The following SDHC variants were observed in gnomAD, a reference collection of about 807,000 sequenced individuals.
SDHC encodes the protein succinate dehydrogenase cytochrome b560 subunit, mitochondrial.
SDHC carries 11 observed loss-of-function variants against 22.6 expected under a neutral mutation model. The ratio of observed to expected loss-of-function variants is 0.49; its 90% confidence interval spans 0.31 to 0.81. SDHC has a LOEUF of 0.81. Among genes scored for constraint, SDHC ranks in the 30% least tolerant of loss-of-function variants. The pLI, the probability that SDHC is intolerant of heterozygous loss-of-function variation, is 0.05. For missense variants in SDHC, 160 were observed against 212.0 expected (o/e 0.75, Z 1.52); for synonymous variants, 80 against 77.8 (o/e 1.03, Z -0.15).
chr1:161,317,004 T>C (rs972618502), intron 1 of SDHC, among the ~76,000 whole-genome samples: 26 of 147,428 alleles, frequency 1.8e-4, no homozygotes, highest in Non-Finnish European at 3.0e-5. Context: ...GGGGGTCTCT[T>C]TTTTTTTGGT....
intron 3 of SDHC, among the ~76,000 whole-genome samples, chr1:161,329,408 C>A (rs1050879146): frequency 2.0e-5 from 3 of 151,900 alleles, no homozygotes; most frequent in African/African-American, 7.3e-5. Flanking sequence ...CTAGGCCCAC[C>A]GCAACCCCTA....
At chr1:161,357,168 C>G (rs1672312901) in intron 5 of SDHC, among the ~76,000 whole-genome samples, 1 of 151,604 alleles carries the variant, frequency 6.6e-6, no homozygotes, top group Non-Finnish European at 1.5e-5. Flanking sequence ...CTTAAGTGAT[C>G]CGCCTGCCTA....
chr1:161,358,239 G>T (rs1672357986), intron 5 of SDHC, among the ~76,000 whole-genome samples: 1 of 151,104 alleles, frequency 6.6e-6, no homozygotes, highest in African/African-American at 2.4e-5. Flanking sequence ...GTAGAGACGG[G>T]ATTTTGCCAT....
At chr1:161,351,970 G>A (rs1672112834) in intron 4 of SDHC, among the ~76,000 whole-genome samples, 2 of 152,202 alleles carry the variant, frequency 1.3e-5, no homozygotes, top group South Asian at 2.1e-4. Flanking sequence ...AGTCCGCACA[G>A]TTACATATAT....
In SDHC at chr1:161,362,498, A is replaced by T. The variant is rs773753116; in HGVS notation, c.*65A>T. The T allele has an allele frequency of 1.2e-6, 2 of 1,611,148 alleles. No individual in the cohort carries two copies. Among genetic ancestry groups the T allele is most frequent in the Non-Finnish European group, 1.7e-6 (2 of 1,179,218 alleles). On this transcript the variant is annotated 3_prime_UTR_variant, in exon 6 of 6. Coordinates refer to ENST00000367975, the MANE Select transcript of SDHC (RefSeq NM_003001.5). ...ACATTCACCCATCTTTCTGTTTGTC[A>T]TTCTTATCTCCAGCCTGGGAAAAGT...
chr1:161,350,827 C>G (rs898539879), intron 4 of SDHC, among the ~76,000 whole-genome samples: 5 of 152,138 alleles, frequency 3.3e-5, no homozygotes, highest in Admixed American at 1.3e-4. Context: ...CAACAGTTTT[C>G]TATGAGCACC....
chr1:161,333,541 C>T (rs1671361790), intron 3 of SDHC, among the ~76,000 whole-genome samples: 1 of 151,940 alleles, frequency 6.6e-6, no homozygotes. Flanking sequence ...GTAGCTGGGA[C>T]TACAGGCATG....
Position 161,336,547 on chromosome 1 carries a change from T to C in SDHC, c.180-4047T>C, listed in dbSNP as rs547276625. On this transcript the variant is annotated intron_variant, in intron 3 of 5. Coordinates refer to ENST00000367975, the MANE Select transcript of SDHC (RefSeq NM_003001.5). ...ATCTGTATATTTAAAGCCGTGGCCT[T>C]TTTTCACAGGTCATATAAAGAATGG... 2.5e-4 allele frequency among the ~76,000 whole-genome samples: 38 copies of C among 152,238 alleles called. 1 individual carries two copies. The highest frequency in any genetic ancestry group is 7.9e-4 in the African/African-American group (33 of 41,558).
intron 4 of SDHC, among the ~76,000 whole-genome samples, chr1:161,353,177 C>G (rs901086187): frequency 2.0e-5 from 3 of 152,040 alleles, no homozygotes; most frequent in Admixed American, 6.6e-5. Context: ...AGTTTTGACT[C>G]TCGTAGGTCA....
Position 161,342,343 on chromosome 1 carries a change from A to C in SDHC, c.241+1688A>C, listed in dbSNP as rs1373801194. 2.6e-5 allele frequency among the ~76,000 whole-genome samples: 4 copies of C among 152,288 alleles called. No individual in the cohort carries two copies. The East Asian group carries it at 7.7e-4, about 29-fold the overall frequency. ...GAGTAGTGGAGTGCTTTCTAAAAGA[A>C]ATGCTCCAATGCACTATTAGCACAT... On this transcript the variant is annotated intron_variant, in intron 4 of 5. Coordinates refer to ENST00000367975, the MANE Select transcript of SDHC (RefSeq NM_003001.5).
chr1:161,343,399 CAT>C (rs1391568864), intron 4 of SDHC, among the ~76,000 whole-genome samples: 10 of 152,052 alleles, frequency 6.6e-5, no homozygotes, highest in African/African-American at 1.2e-4. Flanking sequence ...CATTTATAGA[CAT>C]ATATATGTAG....
chr1:161,334,996 A>G (rs1321955427), intron 3 of SDHC, among the ~76,000 whole-genome samples: 1 of 152,156 alleles, frequency 6.6e-6, no homozygotes, highest in Non-Finnish European at 1.5e-5. Context: ...AATGTCCTTT[A>G]TAGGCCTAAG....
chr1:161,346,973 AGT>A (rs987258620), intron 4 of SDHC, among the ~76,000 whole-genome samples: 14 of 152,304 alleles, frequency 9.2e-5, no homozygotes, highest in African/African-American at 2.2e-4. Context: ...AGAAAAAAAA[AGT>A]GTACGTTTTC....
At chr1:161,358,765 A>T (rs1053916228) in intron 5 of SDHC, among the ~76,000 whole-genome samples, 12 of 151,942 alleles carry the variant, frequency 7.9e-5, no homozygotes, top group Non-Finnish European at 1.6e-4. Flanking sequence ...TGTCTCTACT[A>T]AAAATACAAA....
intron 3 of SDHC, among the ~76,000 whole-genome samples, chr1:161,333,507 C>T (rs971900255): frequency 2.0e-5 from 3 of 151,492 alleles, no homozygotes; most frequent in East Asian, 1.9e-4. Flanking sequence ...CAGGTTCAAG[C>T]GATATTCCTG....
intron 3 of SDHC, among the ~76,000 whole-genome samples, chr1:161,334,790 C>T (rs964836777): frequency 6.6e-6 from 1 of 152,110 alleles, no homozygotes; most frequent in Non-Finnish European, 1.5e-5. Flanking sequence ...TCCCCTTTGC[C>T]GTAAAAGGTA....
intron 3 of SDHC, among the ~76,000 whole-genome samples, chr1:161,329,295 A>T (rs1454143635): frequency 6.6e-6 from 1 of 152,016 alleles, no homozygotes; most frequent in African/African-American, 2.4e-5. Context: ...TGCAATGATG[A>T]TGATATCCAA....
At chr1:161,333,675 TA>T (rs1418750361) in intron 3 of SDHC, among the ~76,000 whole-genome samples, 1 of 152,240 alleles carries the variant, frequency 6.6e-6, no homozygotes, top group African/African-American at 2.4e-5. Flanking sequence ...GTGCTGGGAT[TA>T]CAGGCATGAG....
chr1:161,360,021 C>T (rs1455814044), intron 5 of SDHC, among the ~76,000 whole-genome samples: 3 of 140,282 alleles, frequency 2.1e-5, no homozygotes, highest in Non-Finnish European at 3.0e-5. Flanking sequence ...GGCATCTTCT[C>T]ATCTTGATTT....
Sources: gnomAD v4.1 joint callset for allele counts (sites outside exome capture counted in the v4.1 genomes callset) on GRCh38, gnomAD v4.1.1 for gene constraint, MANE v1.5 for transcripts, NCBI Gene and HGNC (gene_info 2026-07-23, HGNC 2026-07-21) for gene names.